SLC20A2: variants seen among roughly 807,000 people sequenced by gnomAD.
SLC20A2 encodes solute carrier family 20 member 2, also known as sodium-dependent phosphate transporter 2.
A neutral mutation model predicts 61.0 loss-of-function variants in SLC20A2; 30 were observed. The observed-to-expected ratio is 0.49, with a 90% CI of 0.37 to 0.67. The LOEUF (loss-of-function observed/expected upper bound fraction) is 0.67, where lower values mean the gene tolerates loss of function less well. Among genes scored for constraint, SLC20A2 ranks in the 30% least tolerant of loss-of-function variants. SLC20A2 has a pLI of 0.00. For synonymous variants in SLC20A2, 351 were observed against 353.3 expected (o/e 0.99, Z 0.07); for missense variants, 626 against 866.4 (o/e 0.72, Z 3.48).
At chr8:42,480,586 T>C (rs1311616632) in intron 1 of SLC20A2, 1 of 152,218 alleles carries the variant, frequency 6.6e-6, no homozygotes, top group Non-Finnish European at 1.5e-5. Context: ...TATCCTTTTG[T>C]CTAGTATTGG....
At position 42,437,680 on chromosome 8, in the gene SLC20A2, G is replaced by A. The variant is rs1586026563; in HGVS notation, c.935-103C>T. On this transcript the variant is annotated intron_variant, in intron 7 of 10. Coordinates refer to ENST00000520262, the MANE Select transcript of SLC20A2 (RefSeq NM_001257180.2). This position sits in a 1 kb window ranked among gnomAD's most constrained non-coding sequence, Gnocchi z 6.4. ...TGTCCTCAGGGTGGAGTACAATGGC[G>A]CAATCTCGGCTCACTGCAACCTTCG... is the stretch of plus-strand genomic sequence containing the variant. 3 of 956,790 alleles carry A rather than the reference G, an allele frequency of 3.1e-6. No homozygotes were observed. Among genetic ancestry groups the A allele is most frequent in the African/African-American group, 1.7e-5 (1 of 59,672 alleles). 59.3% of individuals were successfully genotyped at this position (956,790 alleles called of 1,614,324 possible). A position where few individuals can be genotyped will look rare whatever the true frequency, so the allele number is the denominator to read the frequency against.
At chr8:42,478,668 G>A (rs553628553) in intron 1 of SLC20A2, among the ~76,000 whole-genome samples, 5 of 152,050 alleles carry the variant, frequency 3.3e-5, no homozygotes, top group African/African-American at 7.2e-5. Context: ...ATTACTGCAC[G>A]TGTTGTCAAA....
At chr8:42,477,077 A>C (rs907628632) in intron 1 of SLC20A2, among the ~76,000 whole-genome samples, 2 of 152,230 alleles carry the variant, frequency 1.3e-5, no homozygotes, top group African/African-American at 4.8e-5. Context: ...GTCGGAAAGC[A>C]TAAGGCCCCG....
At chr8:42,459,189 T>C (rs983164970) in intron 5 of SLC20A2, among the ~76,000 whole-genome samples, 1 of 122,410 alleles carries the variant, frequency 8.2e-6, no homozygotes, top group African/African-American at 3.3e-5. Flanking sequence ...TTTTCCAAGA[T>C]AGCGCGATTG....
At chr8:42,435,889 G>A (rs1193636469) in intron 8 of SLC20A2, among the ~76,000 whole-genome samples, 8 of 152,116 alleles carry the variant, frequency 5.3e-5, no homozygotes, top group Non-Finnish European at 1.2e-4. Context: ...GGCTGAGGTG[G>A]GCGGATCACC....
At chr8:42,522,904 C>T (rs866614529) in intron 1 of SLC20A2, among the ~76,000 whole-genome samples, 13 of 86,616 alleles carry the variant, frequency 1.5e-4, no homozygotes, top group South Asian at 3.9e-4. Flanking sequence ...GTAGAGATGG[C>T]GGGGTGGGGG....
intron 1 of SLC20A2, among the ~76,000 whole-genome samples, chr8:42,516,522 TCAC>T (rs1811331567): frequency 6.6e-6 from 1 of 152,216 alleles, no homozygotes; most frequent in South Asian, 2.1e-4. Flanking sequence ...TGGAGAGCTC[TCAC>T]CACCACAAGA....
chr8:42,516,544 T>C (rs992505967), intron 1 of SLC20A2, among the ~76,000 whole-genome samples: 3 of 152,220 alleles, frequency 2.0e-5, no homozygotes, highest in African/African-American at 7.2e-5. Context: ...GATTCTGTCT[T>C]AGACCAAGTA....
At position 42,417,790 on chromosome 8, in the gene SLC20A2, G is replaced by T; in HGVS notation, c.*13C>A. The stretch of plus-strand genomic sequence containing the variant: ...ACCATCCCTTTAGCTGTTTGCAGCT[G>T]GAAGAAGACAAATCACACATATGGA... On this transcript the variant is annotated 3_prime_UTR_variant, in exon 11 of 11. Transcript: ENST00000520262. 2 of 1,613,124 alleles carry T rather than the reference G, an allele frequency of 1.2e-6. No individual in the cohort carries two copies. Among genetic ancestry groups the T allele is most frequent in the South Asian group, 2.2e-5 (2 of 91,038 alleles).
At chr8:42,457,725 T>G (rs2131144033) in intron 5 of SLC20A2, among the ~76,000 whole-genome samples, 1 of 152,268 alleles carries the variant, frequency 6.6e-6, no homozygotes, top group East Asian at 1.9e-4. Flanking sequence ...GACCTTGTGA[T>G]CCACCCACCT....
intron 1 of SLC20A2, among the ~76,000 whole-genome samples, chr8:42,511,168 T>C (rs976248911): frequency 6.6e-6 from 1 of 152,224 alleles, no homozygotes; most frequent in Non-Finnish European, 1.5e-5. Context: ...ATCAGGTCTC[T>C]GAGCATCTAT....
chr8:42,430,667 T>G (rs186121918), intron 8 of SLC20A2, among the ~76,000 whole-genome samples: 1 of 152,094 alleles, frequency 6.6e-6, no homozygotes, highest in Non-Finnish European at 1.5e-5. Flanking sequence ...GGCCTTCAGA[T>G]AGGATGTTTT....
intron 1 of SLC20A2, among the ~76,000 whole-genome samples, chr8:42,491,024 CA>C (rs1314065904): frequency 4.6e-5 from 7 of 151,848 alleles, no homozygotes; most frequent in Admixed American, 3.9e-4. Flanking sequence ...AACAAGTAAA[CA>C]AAAAAAAGAC....
chr8:42,427,747 G>A (rs1216541170), intron 10 of SLC20A2, among the ~76,000 whole-genome samples: 5 of 152,202 alleles, frequency 3.3e-5, no homozygotes, highest in African/African-American at 1.2e-4. Flanking sequence ...TTTGAAGCAT[G>A]AAGCCACTTG....
chr8:42,436,638 G>A (rs527347616), intron 8 of SLC20A2, among the ~76,000 whole-genome samples: 1 of 152,120 alleles, frequency 6.6e-6, no homozygotes, highest in Non-Finnish European at 1.5e-5. Context: ...CTCCTAGCTT[G>A]TCCTGGAGAA....
Position 42,417,821 on chromosome 8 carries a change from C to T in SLC20A2, c.1941G>A (p.Gly647=). The T allele has an allele frequency of 6.2e-7, 1 of 1,614,038 alleles. No individual in the cohort carries two copies. The highest frequency in any genetic ancestry group is 8.5e-7 in the Non-Finnish European group (1 of 1,180,002). The change falls in exon 11 of 11, where the codon GGG becomes GGA. Residue 647 remains glycine (G), a synonymous_variant. Coordinates refer to ENST00000520262, the MANE Select transcript of SLC20A2 (RefSeq NM_001257180.2). The part of the protein sequence containing the change: ...SAAVMALLMY[G]ILPYV ...AGACAAATCACACATATGGAAGGAT[C>T]CCATACATGAGAAGAGCCATGACAG...
intron 6 of SLC20A2, among the ~76,000 whole-genome samples, chr8:42,440,586 G>A (rs948116236): frequency 6.6e-6 from 1 of 152,150 alleles, no homozygotes; most frequent in African/African-American, 2.4e-5. Flanking sequence ...ACATTCATGT[G>A]CAGATTTCTG....
chr8:42,536,707 CTTGGT>C (rs539736879), intron 1 of SLC20A2: 76 of 152,214 alleles, frequency 5.0e-4, no homozygotes, highest in African/African-American at 1.7e-3. Context: ...AGGAGTATTA[CTTGGT>C]TTGAAGAGAC....
rs184783696 is a variant in SLC20A2 at position 42,465,306 on chromosome 8, C to T, written c.430+471G>A. On this transcript the variant is annotated intron_variant, in intron 3 of 10. Coordinates refer to ENST00000520262, the MANE Select transcript of SLC20A2 (RefSeq NM_001257180.2). The stretch of plus-strand genomic sequence containing the variant: ...TCCTGACCTCAGGTGATCTGCCTGC[C>T]TTGGCCTCCCAAAGTGCTGGGATTA... Among the ~76,000 whole-genome samples the T allele has an allele frequency of 5.9e-3, 895 of 152,042 alleles. 5 individuals carry two copies. Among genetic ancestry groups the T allele is most frequent in the Middle Eastern group, 0.014 (4 of 294 alleles).
Sources: gnomAD v4.1 joint callset for allele counts (sites outside exome capture counted in the v4.1 genomes callset) on GRCh38, gnomAD v4.1.1 for gene constraint, Gnocchi (gnomAD v3.1) non-coding constraint, MANE v1.5 for transcripts, NCBI Gene and HGNC (gene_info 2026-07-23, HGNC 2026-07-21) for gene names.